Variants in DISC1 observed in about 807,000 individuals in gnomAD.
The protein encoded by DISC1 is disrupted in schizophrenia 1 protein.
DISC1 carries 57 observed loss-of-function variants against 84.5 expected under a neutral mutation model. The ratio of observed to expected loss-of-function variants is 0.67; its 90% confidence interval spans 0.55 to 0.84. The LOEUF is 0.84. DISC1 is among the 40% of genes least tolerant of loss of function. The pLI is 0.00. For missense variants in DISC1, 1,000 were observed against 1,057.8 expected, an observed-to-expected ratio of 0.95 and a Z score of 0.76; for synonymous variants, 411 against 415.2, an observed-to-expected ratio of 0.99 and a Z score of 0.12.
chr1:231,661,645 A>G (rs2061571725), intron 1 of DISC1, among the ~76,000 whole-genome samples: 1 of 152,034 alleles, frequency 6.6e-6, no homozygotes, highest in African/African-American at 2.4e-5. Context: ...CAGCTTCTGT[A>G]TTGTTTTATC....
chr1:231,887,236 G>C (rs530083003), intron 9 of DISC1, among the ~76,000 whole-genome samples: 1 of 152,226 alleles, frequency 6.6e-6, no homozygotes, highest in Admixed American at 6.5e-5. Context: ...TCAGACAGCT[G>C]GTTCCTTCTT....
At chr1:231,845,998 G>T (rs545749951) in intron 9 of DISC1, among the ~76,000 whole-genome samples, 1 of 152,236 alleles carries the variant, frequency 6.6e-6, no homozygotes, top group South Asian at 2.1e-4. Context: ...CCCCAGAGAA[G>T]GGGGATGTCC....
intron 8 of DISC1, among the ~76,000 whole-genome samples, chr1:231,817,337 G>T (rs1210310636): frequency 3.3e-5 from 5 of 152,154 alleles, no homozygotes; most frequent in African/African-American, 9.7e-5. Flanking sequence ...CACCACCTCG[G>T]CCTCCCAAAA....
intron 11 of DISC1, among the ~76,000 whole-genome samples, chr1:232,015,901 CAG>C (rs1668454002): frequency 6.6e-6 from 1 of 152,164 alleles, no homozygotes; most frequent in African/African-American, 2.4e-5. Flanking sequence ...TATGGCAGAG[CAG>C]ATCTTATTTT....
intron 9 of DISC1, among the ~76,000 whole-genome samples, chr1:231,896,431 T>G (rs1380223824): frequency 6.6e-6 from 1 of 152,212 alleles, no homozygotes; most frequent in Admixed American, 6.5e-5. Flanking sequence ...ACAAATTATA[T>G]GCCGATTCTG....
At chr1:231,882,212 T>C (rs1471477467) in intron 9 of DISC1, among the ~76,000 whole-genome samples, 6 of 152,180 alleles carry the variant, frequency 3.9e-5, no homozygotes, top group African/African-American at 1.2e-4. Context: ...TTTGCAGCAC[T>C]GGTAGTCAGG....
intron 9 of DISC1, among the ~76,000 whole-genome samples, chr1:231,831,295 G>T (rs1187586558): frequency 1.3e-5 from 2 of 152,214 alleles, no homozygotes; most frequent in Non-Finnish European, 2.9e-5. Flanking sequence ...TTTCCAGGAT[G>T]GAAAGGAAAT....
intron 3 of DISC1, among the ~76,000 whole-genome samples, chr1:231,707,789 C>T (rs2067269723): frequency 6.6e-6 from 1 of 152,168 alleles, no homozygotes; most frequent in South Asian, 2.1e-4. Context: ...TCCTGAATGC[C>T]ATCATCCTGA....
At chr1:231,851,681 T>G (rs1254376364) in intron 9 of DISC1, among the ~76,000 whole-genome samples, 6 of 151,998 alleles carry the variant, frequency 3.9e-5, no homozygotes, top group African/African-American at 1.5e-4. Context: ...TCATGGAGCA[T>G]CTCACATGTA....
At chr1:231,979,938 AG>A (rs1174533006) in intron 10 of DISC1, among the ~76,000 whole-genome samples, 5 of 152,206 alleles carry the variant, frequency 3.3e-5, no homozygotes, top group Admixed American at 2.0e-4. Flanking sequence ...ATGCATAGTT[AG>A]CTCAATGCAC....
chr1:232,032,688 A>G (rs911012595), intron 12 of DISC1, among the ~76,000 whole-genome samples: 4 of 152,212 alleles, frequency 2.6e-5, no homozygotes, highest in African/African-American at 9.6e-5. Context: ...CTTCATAAGA[A>G]TTATTCTGCT....
intron 11 of DISC1, among the ~76,000 whole-genome samples, chr1:232,016,897 A>C (rs922969451): frequency 6.6e-6 from 1 of 152,212 alleles, no homozygotes; most frequent in Non-Finnish European, 1.5e-5. Flanking sequence ...TATGTGGATG[A>C]ATACTCGTAT....
At chr1:231,634,330 G>C (rs2059007985) in intron 1 of DISC1, among the ~76,000 whole-genome samples, 1 of 151,960 alleles carries the variant, frequency 6.6e-6, no homozygotes, top group African/African-American at 2.4e-5. Context: ...TTTTACAATG[G>C]TCAAGTGAAA....
At chr1:231,863,220 C>CTTTTTTTTTTTTT (rs533463099) in intron 9 of DISC1, among the ~76,000 whole-genome samples, 2 of 54,758 alleles carry the variant, frequency 3.7e-5, no homozygotes, top group Non-Finnish European at 3.1e-5. Flanking sequence ...ATAAAATGTT[C>CTTTTTTTTTTTTT]TTTTTTTTTT....
At chr1:231,814,897 A>G (rs2080751222) in intron 8 of DISC1, 1 of 151,530 alleles carries the variant, frequency 6.6e-6, no homozygotes, top group Non-Finnish European at 1.5e-5. Flanking sequence ...GCTGATGGTG[A>G]TTGTAGGACA....
At chr1:231,956,409 T>C (rs555416635) in intron 9 of DISC1, among the ~76,000 whole-genome samples, 4 of 152,212 alleles carry the variant, frequency 2.6e-5, no homozygotes, top group South Asian at 4.2e-4. Context: ...TGAGAAAAAA[T>C]ATTCTACTTT....
At chr1:231,813,340 G>A (rs1263588968) in intron 8 of DISC1, 1 of 152,216 alleles carries the variant, frequency 6.6e-6, no homozygotes, top group Non-Finnish European at 1.5e-5. Flanking sequence ...CAGAAGACAT[G>A]TTGGGACTTC....
At chr1:231,672,854 C>T (rs1406988082) in intron 1 of DISC1, among the ~76,000 whole-genome samples, 3 of 152,174 alleles carry the variant, frequency 2.0e-5, no homozygotes, top group Admixed American at 1.3e-4. Flanking sequence ...ACTCCCTGAC[C>T]TGGGGGTTTG....
chr1:231,765,604 C>T (rs919773809), intron 4 of DISC1, among the ~76,000 whole-genome samples: 4 of 152,090 alleles, frequency 2.6e-5, no homozygotes, highest in Non-Finnish European at 4.4e-5. Flanking sequence ...TGTTTTCCTG[C>T]CCACCTGCAT....
Sources: gnomAD v4.1 joint callset for allele counts (sites outside exome capture counted in the v4.1 genomes callset) on GRCh38, gnomAD v4.1.1 for gene constraint, MANE v1.5 for transcripts, NCBI Gene and HGNC (gene_info 2026-07-23, HGNC 2026-07-21) for gene names.